Variants in GNAL observed in about 807,000 individuals in gnomAD.
The protein encoded by GNAL is guanine nucleotide-binding protein G(olf) subunit alpha.
A neutral mutation model predicts 55.1 loss-of-function variants in GNAL; 18 were observed. The ratio of observed to expected loss-of-function variants is 0.33; its 90% CI spans 0.23 to 0.48. The LOEUF is 0.48. GNAL is among the 20% of genes least tolerant of loss of function. GNAL has a pLI of 0.99. For synonymous variants in GNAL, 253 were observed against 237.0 expected (o/e 1.07, Z -0.62); for missense variants, 412 against 614.1 (o/e 0.67, Z 3.48).
intron 1 of GNAL, among the ~76,000 whole-genome samples, chr18:11,695,215 C>T (rs942437421): frequency 2.0e-5 from 3 of 152,178 alleles, no homozygotes; most frequent in African/African-American, 7.2e-5. Flanking sequence ...GTTGCCAGGT[C>T]TTCGGAATTT....
intron 5 of GNAL, among the ~76,000 whole-genome samples, chr18:11,842,242 A>G (rs2035633121): frequency 1.3e-5 from 2 of 151,982 alleles, no homozygotes; most frequent in Admixed American, 6.6e-5. Flanking sequence ...TGGCCTCCCA[A>G]ATTGCTGGGA....
At position 11,850,909 on chromosome 18, in the gene GNAL, G is replaced by A. The variant is rs568466704; in HGVS notation, c.723-11486G>A. Among the ~76,000 whole-genome samples, 3 of 152,304 alleles carry A rather than the reference G, an allele frequency of 2.0e-5. No individual in the cohort carries two copies. In the East Asian group the frequency reaches 5.8e-4, roughly 29 times the overall value. ...AAAGATGGAGACGCGTCAATGACCC[G>A]TTTGTTTTTAATGTGTTTTAATGTT... On this transcript the variant is annotated intron_variant, in intron 5 of 11. Coordinates refer to ENST00000334049, the MANE Select transcript of GNAL (RefSeq NM_182978.4).
intron 4 of GNAL, among the ~76,000 whole-genome samples, chr18:11,817,586 G>C (rs12454673): frequency 2.0e-5 from 3 of 151,946 alleles, no homozygotes; most frequent in Non-Finnish European, 4.4e-5. Flanking sequence ...GCTTGTTTTC[G>C]TGTAGTTTTC....
chr18:11,711,533 T>G (rs1466022408), intron 1 of GNAL, among the ~76,000 whole-genome samples: 1 of 152,244 alleles, frequency 6.6e-6, no homozygotes, highest in African/African-American at 2.4e-5. Context: ...GTTAATATTC[T>G]TCAGCTTTAC....
chr18:11,731,502 T>C (rs1361684004), intron 1 of GNAL, among the ~76,000 whole-genome samples: 1 of 152,230 alleles, frequency 6.6e-6, no homozygotes, highest in Non-Finnish European at 1.5e-5. Flanking sequence ...AGAAGCTTCA[T>C]TCAGTCAGTG....
At chr18:11,847,320 A>G (rs2035761305) in intron 5 of GNAL, among the ~76,000 whole-genome samples, 1 of 152,086 alleles carries the variant, frequency 6.6e-6, no homozygotes, top group African/African-American at 2.4e-5. Flanking sequence ...ACATTTCAAA[A>G]TCACCAGAAA....
At chr18:11,824,307 T>G (rs1320929520) in intron 4 of GNAL, among the ~76,000 whole-genome samples, 1 of 152,124 alleles carries the variant, frequency 6.6e-6, no homozygotes, top group Non-Finnish European at 1.5e-5. Context: ...CTAAATACTT[T>G]AGAATTATGC....
intron 1 of GNAL, among the ~76,000 whole-genome samples, chr18:11,703,886 A>G (rs2031644015): frequency 6.6e-6 from 1 of 152,046 alleles, no homozygotes; most frequent in African/African-American, 2.4e-5. Context: ...GACTGGGGAC[A>G]GATGGAGGCA....
chr18:11,836,098 A>G (rs951214535), intron 5 of GNAL, among the ~76,000 whole-genome samples: 1 of 151,980 alleles, frequency 6.6e-6, no homozygotes, highest in African/African-American at 2.4e-5. Flanking sequence ...GTGAGTAATG[A>G]TCATGCCACT....
intron 5 of GNAL, among the ~76,000 whole-genome samples, chr18:11,834,161 A>G (rs1267447980): frequency 1.3e-5 from 2 of 152,244 alleles, no homozygotes; most frequent in Non-Finnish European, 2.9e-5. Context: ...ACATTTACTT[A>G]TTATAAACAA....
At chr18:11,800,308 A>G (rs867315997) in intron 4 of GNAL, among the ~76,000 whole-genome samples, 3 of 152,180 alleles carry the variant, frequency 2.0e-5, no homozygotes, top group Non-Finnish European at 4.4e-5. Flanking sequence ...CAGGTGTCCA[A>G]TCCACCCCTG....
At chr18:11,870,474 T>A (rs1437102454) in intron 9 of GNAL, among the ~76,000 whole-genome samples, 1 of 152,050 alleles carries the variant, frequency 6.6e-6, no homozygotes. Flanking sequence ...CGAGCTGAGA[T>A]CGCACCACTG....
At chr18:11,709,484 A>G (rs182009891) in intron 1 of GNAL, among the ~76,000 whole-genome samples, 134 of 152,248 alleles carry the variant, frequency 8.8e-4, no homozygotes, top group African/African-American at 3.0e-3. Context: ...TTCATTTCTT[A>G]TATCACTGTT....
At chr18:11,760,257 A>T (rs1265048384) in intron 4 of GNAL, among the ~76,000 whole-genome samples, 1 of 152,156 alleles carries the variant, frequency 6.6e-6, no homozygotes, top group Non-Finnish European at 1.5e-5. Context: ...GCCAATTGGG[A>T]TGTCACACAG....
intron 10 of GNAL, among the ~76,000 whole-genome samples, chr18:11,873,800 C>G (rs753900451): frequency 3.3e-5 from 5 of 152,238 alleles, no homozygotes; most frequent in Non-Finnish European, 5.9e-5. Context: ...CTCCCGCTAA[C>G]CGCCTCTTGC....
chr18:11,816,011 A>C (rs2034945534), intron 4 of GNAL, among the ~76,000 whole-genome samples: 2 of 152,206 alleles, frequency 1.3e-5, no homozygotes, highest in South Asian at 4.1e-4. Context: ...TAGAACCCCT[A>C]AACATTGCCC....
chr18:11,876,813 G>A lies in GNAL; in HGVS notation c.1230+125G>A. 4.3e-6 allele frequency: 3 copies of A among 698,918 alleles called. No homozygotes were observed. In the South Asian group the frequency reaches 4.8e-5, roughly 11 times the overall value. The allele number at this position is 698,918 out of a possible 1,614,324, so 43.3% of individuals were successfully genotyped here. On this transcript the variant is annotated intron_variant, in intron 11 of 11. Transcript: ENST00000334049. ...TTAACATTACGAGCGATGACAAAGG[G>A]TATGTTACTTTAATTTCACAGCTGA... is the stretch of plus-strand genomic sequence containing the variant.
intron 1 of GNAL, among the ~76,000 whole-genome samples, chr18:11,730,247 C>T (rs979158013): frequency 6.6e-6 from 1 of 151,648 alleles, no homozygotes; most frequent in Non-Finnish European, 1.5e-5. Context: ...GCAGCCTCCA[C>T]CTCCCAGGTT....
intron 1 of GNAL, among the ~76,000 whole-genome samples, chr18:11,739,824 C>T (rs1022941557): frequency 3.3e-5 from 5 of 151,772 alleles, no homozygotes; most frequent in African/African-American, 1.2e-4. Context: ...ATTTGGTGTC[C>T]AGTTTCTCCA....
Sources: allele counts gnomAD v4.1 joint callset (sites outside exome capture counted in the v4.1 genomes callset), GRCh38; gene constraint gnomAD v4.1.1; transcripts MANE v1.5; gene names NCBI Gene and HGNC (gene_info 2026-07-23, HGNC 2026-07-21).